Variants in SLC26A11 observed in about 807,000 individuals in gnomAD.
SLC26A11 encodes sodium-independent sulfate anion transporter.
Under a neutral mutation model 62.2 loss-of-function variants are expected in SLC26A11, and 58 were observed. The observed-to-expected ratio is 0.93, with a 90% confidence interval of 0.76 to 1.16. The LOEUF is 1.16. SLC26A11 is among the 50% of genes most tolerant of loss of function. The pLI, the probability that SLC26A11 is intolerant of heterozygous loss-of-function variation, is 0.00. For missense variants in SLC26A11, 790 were observed against 794.3 expected, an observed-to-expected ratio of 0.99 and a Z score of 0.06; for synonymous variants, 411 against 368.9, an observed-to-expected ratio of 1.11 and a Z score of -1.31.
intron 9 of SLC26A11, among the ~76,000 whole-genome samples, chr17:80,237,814 TG>T (rs1327129101): frequency 3.9e-5 from 6 of 152,264 alleles, no homozygotes; most frequent in African/African-American, 1.4e-4. Flanking sequence ...TGGTGAGTGT[TG>T]TAACAGCCTC....
chr17:80,248,205 C>G lies in SLC26A11; in HGVS notation c.1370C>G (p.Ala457Gly). The change falls in exon 14 of 18, where the codon GCC becomes GGC. Residue 457 changes from alanine (A) to glycine (G), a missense_variant. Transcript: ENST00000361193. The part of the protein sequence containing the change: ...WEVQYGILAG[A>G]LVSLLMLLHS... ...GTGCAGTACGGCATCCTGGCCGGGGCCCTGGTGTCTCTGCTCATGCTCCTG... is the reference window on the plus strand; with the variant it reads ...GTGCAGTACGGCATCCTGGCCGGGGGCCTGGTGTCTCTGCTCATGCTCCTG... 6.2e-7 allele frequency: 1 copy of G among 1,609,622 alleles called. No individual in the cohort carries two copies. Among genetic ancestry groups the G allele is most frequent in the South Asian group, 1.1e-5 (1 of 90,826 alleles).
chr17:80,226,232 G>A (rs531291040), intron 6 of SLC26A11, among the ~76,000 whole-genome samples: 2 of 152,294 alleles, frequency 1.3e-5, no homozygotes, highest in Admixed American at 6.5e-5. Context: ...CAGGAATGGG[G>A]AGAGTCTGTG....
chr17:80,234,659 C>T (rs1056651204), intron 7 of SLC26A11, among the ~76,000 whole-genome samples: 4 of 152,110 alleles, frequency 2.6e-5, no homozygotes, highest in African/African-American at 4.8e-5. Context: ...TCAGGCACCT[C>T]GAAGGTGTTC....
In SLC26A11 at chr17:80,252,704, G is replaced by A; in HGVS notation, c.1809G>A (p.Leu603=). 1.2e-6 allele frequency: 2 copies of A among 1,613,718 alleles called. No individual in the cohort carries two copies. Among genetic ancestry groups the A allele is most frequent in the South Asian group, 1.1e-5 (1 of 91,076 alleles). Residue 603 remains leucine, a synonymous_variant, in exon 18 of 18, where the codon CTG becomes CTA. Transcript: ENST00000361193. The surrounding 1 kb of genome is among the most constrained non-coding windows in gnomAD (Gnocchi z 5.2). ...EDSILDQKVA[L]LKA ...CCATTCTGGACCAAAAGGTTGCCCTGCTCAAGGCATAATGGGGCCACCCGT... is the reference window on the plus strand; with the variant it reads ...CCATTCTGGACCAAAAGGTTGCCCTACTCAAGGCATAATGGGGCCACCCGT...
chr17:80,245,086 G>T, intron 10 of SLC26A11, 110 bp from the exon 11 acceptor site: 2 of 923,520 alleles, frequency 2.2e-6, no homozygotes, highest in Admixed American at 1.9e-5. Context: ...TGATTCTCCC[G>T]AGCCCTGCCT....
At chr17:80,237,491 G>A (rs760107584) in intron 8 of SLC26A11, 31 bp from the exon 9 acceptor site, 2 of 1,589,966 alleles carry the variant, frequency 1.3e-6, no homozygotes, top group Non-Finnish European at 1.7e-6. Flanking sequence ...CCCTTAGGAA[G>A]GTCACTCACC....
At chr17:80,241,268 G>C (rs1161583318) in intron 9 of SLC26A11, among the ~76,000 whole-genome samples, 1 of 152,114 alleles carries the variant, frequency 6.6e-6, no homozygotes, top group Admixed American at 6.6e-5. Context: ...ATGTTTTCTT[G>C]TTGTTGTTTG....
chr17:80,245,325 G>T (rs2042966228), intron 11 of SLC26A11, 69 bp downstream of exon 11: 1 of 1,539,986 alleles, frequency 6.5e-7, no homozygotes, highest in African/African-American at 1.4e-5. Context: ...CTGACAAGGA[G>T]TCTGCCTGCC....
Position 80,222,587 on chromosome 17 carries a change from C to A in SLC26A11, c.235-68C>A, listed in dbSNP as rs2042252161. On this transcript the variant is annotated intron_variant, in intron 3 of 17. Coordinates refer to ENST00000361193, the MANE Select transcript of SLC26A11 (RefSeq NM_001166347.2). The surrounding 1 kb of genome is among the most constrained non-coding windows in gnomAD (Gnocchi z 4.7). ...GACACCCACACATCCCGAGCTTGGACACGCACACTAGGGAGCTGGTGGATG... is the reference window on the plus strand; with the variant it reads ...GACACCCACACATCCCGAGCTTGGAAACGCACACTAGGGAGCTGGTGGATG... The A allele has an allele frequency of 2.0e-6, 3 of 1,498,462 alleles. No homozygotes were observed. The highest frequency in any genetic ancestry group is 2.7e-5 in the African/African-American group (2 of 72,840). The allele number at this position is 1,498,462 out of a possible 1,614,324, so 92.8% of individuals were successfully genotyped here. A position where few individuals can be genotyped will look rare whatever the true frequency, so the allele number is the denominator to read the frequency against.
chr17:80,241,712 A>C (rs754512959), intron 9 of SLC26A11, 59 bp from the exon 10 acceptor site: 10 of 1,548,274 alleles, frequency 6.5e-6, no homozygotes, highest in Non-Finnish European at 8.0e-6. Flanking sequence ...CATTTTGTGA[A>C]TACTTTTTGA....
intron 3 of SLC26A11, 51 bp downstream of exon 3, chr17:80,221,845 A>G: frequency 6.6e-7 from 1 of 1,523,492 alleles, no homozygotes; most frequent in Non-Finnish European, 8.9e-7. Flanking sequence ...AGTGCAGAAT[A>G]CACAGTATCA....
At chr17:80,243,931 C>T (rs2042928698) in intron 10 of SLC26A11, among the ~76,000 whole-genome samples, 2 of 152,190 alleles carry the variant, frequency 1.3e-5, no homozygotes, top group African/African-American at 2.4e-5. Flanking sequence ...AGAGTTGGGT[C>T]CCCAGCCCAA....
Position 80,246,421 on chromosome 17 carries a change from A to C in SLC26A11, c.1154-88A>C, listed in dbSNP as rs75009752. On this transcript the variant is annotated intron_variant, in intron 12 of 17. Coordinates refer to ENST00000361193, the MANE Select transcript of SLC26A11 (RefSeq NM_001166347.2). The surrounding 1 kb of genome is among the most constrained non-coding windows in gnomAD (Gnocchi z 4.4). ...TCGCCCTACCCCCACCCCTGTCCCC[A>C]GTGGGCTCTGCTGAACAAGAGGCTG... The C allele has an allele frequency of 7.7e-6, 12 of 1,562,394 alleles. No individual in the cohort carries two copies. The highest frequency in any genetic ancestry group is 1.0e-5 in the Non-Finnish European group (12 of 1,154,924).
chr17:80,232,104 C>T (rs532958877), intron 7 of SLC26A11, among the ~76,000 whole-genome samples: 1 of 152,234 alleles, frequency 6.6e-6, no homozygotes, highest in South Asian at 2.1e-4. Flanking sequence ...TATTTTGAAG[C>T]TCTGTTTTTT....
intron 6 of SLC26A11, 111 bp downstream of exon 6, chr17:80,226,027 C>G: frequency 1.1e-6 from 1 of 869,870 alleles, no homozygotes; most frequent in Non-Finnish European, 1.8e-6. Flanking sequence ...AACAGGGGTC[C>G]CCAGAGCAGC....
chr17:80,245,353 T>C (rs931866361), intron 11 of SLC26A11, 97 bp downstream of exon 11: 2 of 1,244,796 alleles, frequency 1.6e-6, no homozygotes, highest in African/African-American at 1.5e-5. Context: ...CGGCGCCCCG[T>C]CCTCCACTGT....
In SLC26A11 at chr17:80,237,398, C is replaced by T. The variant is rs113215574; in HGVS notation, c.913-124C>T. The T allele has an allele frequency of 2.4e-4, 222 of 932,750 alleles. 3 individuals are homozygous for T. The African/African-American group carries it at 2.9e-3, about 12-fold the overall frequency. 57.8% of individuals were successfully genotyped at this position (932,750 alleles called of 1,614,324 possible). A position where few individuals can be genotyped will look rare whatever the true frequency, so the allele number is the denominator to read the frequency against. On this transcript the variant is annotated intron_variant, in intron 8 of 17. Coordinates refer to ENST00000361193, the MANE Select transcript of SLC26A11 (RefSeq NM_001166347.2). ...GCCTCTTCAGACAAGGAGGCGGATCCTGCAGCTGACAAGCACTTGCTCCTG... is the reference window on the plus strand; with the variant it reads ...GCCTCTTCAGACAAGGAGGCGGATCTTGCAGCTGACAAGCACTTGCTCCTG...
intron 7 of SLC26A11, 127 bp from the exon 8 acceptor site, chr17:80,236,801 T>G: frequency 1.1e-6 from 1 of 950,704 alleles, no homozygotes; most frequent in Non-Finnish European, 1.6e-6. Flanking sequence ...GAGTGCAGAG[T>G]GAGGACTGTG....
At position 80,222,491 on chromosome 17, in the gene SLC26A11, G is replaced by A; in HGVS notation, c.235-164G>A. ...CCCAGTTGAGTGCTGCTAAAAAAGT[G>A]GCCTCCTGATCACTGCAGGTCCACC... On this transcript the variant is annotated intron_variant, in intron 3 of 17. Coordinates refer to ENST00000361193, the MANE Select transcript of SLC26A11 (RefSeq NM_001166347.2). The surrounding 1 kb of genome is among the most constrained non-coding windows in gnomAD (Gnocchi z 4.7). The A allele has an allele frequency of 1.5e-6, 1 of 648,686 alleles. No homozygotes were observed. The highest frequency in any genetic ancestry group is 2.6e-6 in the Non-Finnish European group (1 of 380,844). The allele number at this position is 648,686 out of a possible 1,614,324, so 40.2% of individuals were successfully genotyped here.
Sources: allele counts gnomAD v4.1 joint callset (sites outside exome capture counted in the v4.1 genomes callset), GRCh38; gene constraint gnomAD v4.1.1; non-coding constraint Gnocchi (gnomAD v3.1); transcripts MANE v1.5; gene names NCBI Gene and HGNC (gene_info 2026-07-23, HGNC 2026-07-21).